The following NEBL variants were observed in gnomAD, a reference collection of about 807,000 sequenced individuals.
The protein encoded by NEBL is LIM and SH3 protein 2.
Under a neutral mutation model 140.2 loss-of-function variants are expected in NEBL, and 122 were observed. That is an observed-to-expected ratio of 0.87 (90% confidence interval 0.75 to 1.01). NEBL has a LOEUF of 1.01. Among genes scored for constraint, NEBL ranks in the 50% least tolerant of loss-of-function variants. The pLI is 0.00. For missense variants in NEBL, 1,365 were observed against 1,231.3 expected (o/e 1.11, Z -1.62); for synonymous variants, 436 against 398.9 (o/e 1.09, Z -1.11).
At chr10:20,901,097 G>T (rs2131429327), upstream of NEBL, among the ~76,000 whole-genome samples, 1 of 152,106 alleles carries the variant, frequency 6.6e-6, no homozygotes, top group Non-Finnish European at 1.5e-5. Flanking sequence ...CACCAATAAA[G>T]GTACACAGTG....
At chr10:21,210,104 A>G (rs1263634793) in intron 3 of NEBL, among the ~76,000 whole-genome samples, 1 of 152,162 alleles carries the variant, frequency 6.6e-6, no homozygotes, top group Admixed American at 6.5e-5. Context: ...TAGGAAAAAC[A>G]TCATGGGCAG....
At chr10:21,186,467 A>G (rs529759968) in intron 3 of NEBL, among the ~76,000 whole-genome samples, 1 of 152,188 alleles carries the variant, frequency 6.6e-6, no homozygotes, top group South Asian at 2.1e-4. Context: ...GCAGACACCA[A>G]AATCTGAGAT....
chr10:20,849,104 A>T (rs543962948), intron 11 of NEBL, among the ~76,000 whole-genome samples: 1 of 152,156 alleles, frequency 6.6e-6, no homozygotes, highest in Non-Finnish European at 1.5e-5. Flanking sequence ...ACCAGCATCC[A>T]CTATTTCTAT....
At chr10:20,978,298 T>C (rs1400516367) in intron 3 of NEBL, among the ~76,000 whole-genome samples, 1 of 152,146 alleles carries the variant, frequency 6.6e-6, no homozygotes, top group Non-Finnish European at 1.5e-5. Flanking sequence ...ACCAAATCTT[T>C]TTAGTTTTCT....
In NEBL at chr10:20,897,049, A is replaced by G; in HGVS notation, c.82-20T>C. 6.2e-7 allele frequency: 1 copy of G among 1,609,874 alleles called. No individual in the cohort carries two copies. Among genetic ancestry groups the G allele is most frequent in the Non-Finnish European group, 8.5e-7 (1 of 1,176,394 alleles). ...GAAGACCTATTTGAAAAAAAAGAAAAGAACAGAAAGAACATTTTTCTCATT... is the reference window on the plus strand; with the variant it reads ...GAAGACCTATTTGAAAAAAAAGAAAGGAACAGAAAGAACATTTTTCTCATT... On this transcript the variant is annotated intron_variant, in intron 1 of 27. Coordinates refer to ENST00000377122, the MANE Select transcript of NEBL (RefSeq NM_006393.3).
At chr10:21,109,313 G>A (rs747855055) in intron 2 of NEBL, among the ~76,000 whole-genome samples, 22 of 152,248 alleles carry the variant, frequency 1.4e-4, no homozygotes, top group East Asian at 1.9e-4. Context: ...ATTGATTTGC[G>A]TATGTTGAAC....
chr10:20,883,490 C>A (rs948805348), intron 4 of NEBL, among the ~76,000 whole-genome samples: 1 of 152,156 alleles, frequency 6.6e-6, no homozygotes, highest in African/African-American at 2.4e-5. Flanking sequence ...TGGAGAAAGT[C>A]CATTATCTCA....
At chr10:20,858,210 A>T (rs778883853) in intron 9 of NEBL, 30 bp downstream of exon 9, 29 of 1,532,282 alleles carry the variant, frequency 1.9e-5, no homozygotes, top group Admixed American at 1.7e-4. Context: ...CCACAAGGCA[A>T]CTACGGTTGC....
intron 2 of NEBL, among the ~76,000 whole-genome samples, chr10:21,038,934 G>A (rs1834131006): frequency 6.6e-6 from 1 of 152,074 alleles, no homozygotes; most frequent in African/African-American, 2.4e-5. Context: ...TCTCATTGTG[G>A]TTTTGATTTG....
intron 2 of NEBL, chr10:21,112,777 G>T: frequency 5.9e-6 from 1 of 169,948 alleles, no homozygotes; most frequent in East Asian, 1.6e-4. Flanking sequence ...AATTGAAAAT[G>T]TCTGTACAGC....
chr10:20,870,027 C>A (rs943114403), intron 5 of NEBL, among the ~76,000 whole-genome samples, 186 bp from the exon 6 acceptor site: 5 of 151,940 alleles, frequency 3.3e-5, no homozygotes, highest in African/African-American at 9.7e-5. Flanking sequence ...CTATGTCTCA[C>A]TGATATTAAC....
chr10:21,201,620 C>T (rs1301274656), intron 3 of NEBL, among the ~76,000 whole-genome samples: 1 of 152,098 alleles, frequency 6.6e-6, no homozygotes, highest in East Asian at 1.9e-4. Context: ...CAAAAAGTGA[C>T]AATTACTGCA....
intron 7 of NEBL, chr10:20,867,861 C>T (rs1174744014): frequency 1.3e-5 from 2 of 151,932 alleles, no homozygotes; most frequent in African/African-American, 4.8e-5. Flanking sequence ...TCAGGACTCC[C>T]TATTCTATCC....
chr10:20,973,925 C>T (rs371363358), intron 3 of NEBL, among the ~76,000 whole-genome samples: 1 of 152,196 alleles, frequency 6.6e-6, no homozygotes, highest in Non-Finnish European at 1.5e-5. Context: ...GAATCCTGAC[C>T]TCCCACTGTT....
intron 26 of NEBL, among the ~76,000 whole-genome samples, chr10:20,800,379 G>A (rs1837000855): frequency 6.6e-6 from 1 of 151,910 alleles, no homozygotes; most frequent in Non-Finnish European, 1.5e-5. Flanking sequence ...TCCTTTGATG[G>A]GCATTTAAGT....
At chr10:21,046,025 G>T (rs758429859) in intron 2 of NEBL, among the ~76,000 whole-genome samples, 3 of 136,502 alleles carry the variant, frequency 2.2e-5, no homozygotes, top group Non-Finnish European at 3.2e-5. Flanking sequence ...ACACACACAC[G>T]TGTGTGCACT....
intron 4 of NEBL, among the ~76,000 whole-genome samples, chr10:20,954,970 C>T (rs1450217803): frequency 6.6e-6 from 1 of 152,112 alleles, no homozygotes; most frequent in Non-Finnish European, 1.5e-5. Context: ...ACATTCCAGG[C>T]AAAAGATTTT....
At chr10:20,794,425 C>T (rs567147784) in intron 26 of NEBL, among the ~76,000 whole-genome samples, 1 of 152,238 alleles carries the variant, frequency 6.6e-6, no homozygotes, top group South Asian at 2.1e-4. Context: ...TTACTGCTGA[C>T]CATACTACAG....
chr10:20,826,396 A>G (rs753590389), intron 18 of NEBL, 51 bp downstream of exon 18: 7 of 1,369,314 alleles, frequency 5.1e-6, no homozygotes, highest in Non-Finnish European at 6.3e-6. Context: ...ACATTTGTCT[A>G]TAGTTTTGGT....
Sources: allele counts gnomAD v4.1 joint callset (sites outside exome capture counted in the v4.1 genomes callset), GRCh38; gene constraint gnomAD v4.1.1; transcripts MANE v1.5; gene names NCBI Gene and HGNC (gene_info 2026-07-23, HGNC 2026-07-21).